Variants in AGTPBP1 observed in about 807,000 individuals in gnomAD.
AGTPBP1 encodes cytosolic carboxypeptidase 1.
Under a neutral mutation model 143.9 loss-of-function variants are expected in AGTPBP1, and 70 were observed. That is an observed-to-expected ratio of 0.49 (90% CI 0.40 to 0.59). The LOEUF is 0.59. AGTPBP1 is among the 20% of genes least tolerant of loss of function. The probability of loss-of-function intolerance (pLI) is 0.00; values close to 1 mark genes in which losing one functional copy is unlikely to be tolerated. For synonymous variants in AGTPBP1, 463 were observed against 500.2 expected (o/e 0.93, Z 0.99); for missense variants, 1,229 against 1,464.5 (o/e 0.84, Z 2.62).
the AGTPBP1 span, among the ~76,000 whole-genome samples, chr9:85,783,914 C>T: frequency 1.8e-4 from 28 of 152,174 alleles, no homozygotes; most frequent in South Asian, 4.1e-4. Context: ...CATGAGCCAC[C>T]GTGCCCAGCG....
chr9:85,668,245 G>A (rs1016886024), intron 8 of AGTPBP1, among the ~76,000 whole-genome samples: 7 of 152,050 alleles, frequency 4.6e-5, no homozygotes, highest in Admixed American at 2.6e-4. Flanking sequence ...AATAATGTAT[G>A]CATCTTGTTT....
intron 15 of AGTPBP1, among the ~76,000 whole-genome samples, chr9:85,620,925 A>C (rs910296531): frequency 6.6e-6 from 1 of 152,182 alleles, no homozygotes; most frequent in Non-Finnish European, 1.5e-5. Flanking sequence ...ATACAACATC[A>C]TTGTGTAACC....
At chr9:85,603,545 G>A (rs1414410408) in intron 17 of AGTPBP1, among the ~76,000 whole-genome samples, 1 of 152,166 alleles carries the variant, frequency 6.6e-6, no homozygotes, top group Non-Finnish European at 1.5e-5. Flanking sequence ...CCTTGGGTGA[G>A]ACATAGAGCC....
At chr9:85,767,773 G>A in the AGTPBP1 span, among the ~76,000 whole-genome samples, 5 of 152,114 alleles carry the variant, frequency 3.3e-5, no homozygotes, top group Non-Finnish European at 4.4e-5. Context: ...TTGAGCCACC[G>A]CACCCTGCTG....
At chr9:85,618,415 T>C (rs1052915950) in intron 17 of AGTPBP1, among the ~76,000 whole-genome samples, 5 of 152,060 alleles carry the variant, frequency 3.3e-5, no homozygotes, top group African/African-American at 1.2e-4. Context: ...AGTAATACCA[T>C]GATACCAAAA....
chr9:85,764,593 T>C, the AGTPBP1 span: 1 of 564,246 alleles, frequency 1.8e-6, no homozygotes, highest in Non-Finnish European at 3.2e-6. Flanking sequence ...AAAACAATAA[T>C]GTAAAAACTA....
chr9:85,760,006 CTAGAAAA>C, the AGTPBP1 span, among the ~76,000 whole-genome samples: 1 of 152,086 alleles, frequency 6.6e-6, no homozygotes, highest in African/African-American at 2.4e-5. Context: ...CGCAAATAAA[CTAGAAAA>C]TCTAGAAGAA....
At chr9:85,625,613 C>A (rs62566939) in intron 14 of AGTPBP1, among the ~76,000 whole-genome samples, 1 of 151,038 alleles carries the variant, frequency 6.6e-6, no homozygotes. Context: ...TTGCCGGGCA[C>A]GGTGGCTCAC....
chr9:85,581,256 C>T (rs969629916), intron 23 of AGTPBP1, among the ~76,000 whole-genome samples: 1 of 152,158 alleles, frequency 6.6e-6, no homozygotes, highest in Non-Finnish European at 1.5e-5. Flanking sequence ...GGCACTGTGA[C>T]AAAATGGAAA....
chr9:85,561,235 G>A (rs950690525), intron 25 of AGTPBP1, among the ~76,000 whole-genome samples: 2 of 151,972 alleles, frequency 1.3e-5, no homozygotes, highest in Non-Finnish European at 2.9e-5. Flanking sequence ...GGTGGTGCAT[G>A]TCTGTAATCC....
chr9:85,591,965 T>A (rs1232989173), intron 19 of AGTPBP1, among the ~76,000 whole-genome samples: 1 of 152,168 alleles, frequency 6.6e-6, no homozygotes, highest in East Asian at 1.9e-4. Flanking sequence ...AGTTTCATTT[T>A]GCTATATTCA....
At chr9:85,681,745 C>CTTTTTTTT (rs1204253430) in intron 3 of AGTPBP1, among the ~76,000 whole-genome samples, 4 of 105,914 alleles carry the variant, frequency 3.8e-5, no homozygotes, top group African/African-American at 1.6e-4. Flanking sequence ...GCATTAATAT[C>CTTTTTTTT]TTTTTTTTTT....
At chr9:85,655,354 T>G (rs1466986204) in intron 10 of AGTPBP1, 34 bp from the exon 11 acceptor site, 4 of 1,466,352 alleles carry the variant, frequency 2.7e-6, no homozygotes, top group Non-Finnish European at 3.6e-6. Context: ...AAAAAGAATG[T>G]TTTTGATGAA....
chr9:85,676,614 T>A (rs1834845989), intron 6 of AGTPBP1, among the ~76,000 whole-genome samples: 1 of 152,138 alleles, frequency 6.6e-6, no homozygotes, highest in Non-Finnish European at 1.5e-5. Flanking sequence ...ACAGCCACTA[T>A]GGAAAACAGT....
chr9:85,733,067 G>C (rs776326511), intron 1 of AGTPBP1, among the ~76,000 whole-genome samples: 3 of 152,048 alleles, frequency 2.0e-5, no homozygotes, highest in Non-Finnish European at 2.9e-5. Context: ...CATTCTCAAT[G>C]AGGAAAAGAA....
rs1831462732 is a variant in AGTPBP1, at chr9:85,628,747, T to C, written c.2015+3915A>G. 2.0e-5 allele frequency among the ~76,000 whole-genome samples: 3 copies of C among 152,174 alleles called. No homozygotes were observed. The South Asian group carries it at 6.2e-4, about 31-fold the overall frequency. ...CTTTGTTTTTGAGATGGAGTCTCACTCTGTTGCCCAAGCTGGAGTGCGGTG... is the reference window on the plus strand; with the variant it reads ...CTTTGTTTTTGAGATGGAGTCTCACCCTGTTGCCCAAGCTGGAGTGCGGTG... On this transcript the variant is annotated intron_variant, in intron 14 of 25. Transcript: ENST00000357081.
At chr9:85,712,700 T>C (rs1233468582) in intron 1 of AGTPBP1, 134 bp from the exon 2 acceptor site, 4 of 412,716 alleles carry the variant, frequency 9.7e-6, no homozygotes, top group African/African-American at 2.1e-5. Context: ...AAGAGAACAT[T>C]TGAGTTCTAT....
intron 17 of AGTPBP1, among the ~76,000 whole-genome samples, chr9:85,600,081 C>T (rs1829567588): frequency 1.3e-5 from 2 of 152,120 alleles, no homozygotes; most frequent in Admixed American, 1.3e-4. Flanking sequence ...TTGAACAAGG[C>T]CTGGCATACG....
intron 3 of AGTPBP1, among the ~76,000 whole-genome samples, chr9:85,683,334 A>T (rs1835303606): frequency 6.6e-6 from 1 of 152,206 alleles, no homozygotes; most frequent in Admixed American, 6.5e-5. Flanking sequence ...CATTGTTTCA[A>T]ATATCTAATG....
Sources: gnomAD v4.1 joint callset for allele counts (sites outside exome capture counted in the v4.1 genomes callset) on GRCh38, gnomAD v4.1.1 for gene constraint, MANE v1.5 for transcripts, NCBI Gene and HGNC (gene_info 2026-07-23, HGNC 2026-07-21) for gene names.